Variants in FAM171B observed in about 807,000 individuals in gnomAD.
FAM171B encodes family with sequence similarity 171 member B.
A neutral mutation model predicts 75.6 loss-of-function variants in FAM171B; 19 were observed. The ratio of observed to expected loss-of-function variants is 0.25; its 90% CI spans 0.18 to 0.37. FAM171B has a LOEUF of 0.37. Among genes scored for constraint, FAM171B ranks in the 10% least tolerant of loss-of-function variants. FAM171B has a pLI of 1.00. For synonymous variants in FAM171B, 367 were observed against 361.7 expected, an observed-to-expected ratio of 1.01 and a Z score of -0.17; for missense variants, 848 against 982.4, an observed-to-expected ratio of 0.86 and a Z score of 1.83.
At chr2:186,747,592 A>T (rs1279774416) in intron 4 of FAM171B, among the ~76,000 whole-genome samples, 2 of 152,122 alleles carry the variant, frequency 1.3e-5, no homozygotes, top group Non-Finnish European at 2.9e-5. Flanking sequence ...TCAAAAATTA[A>T]AATTCAGTTT....
Position 186,763,125 on chromosome 2 carries a change from TA to T in FAM171B, c.*304del, listed in dbSNP as rs1328808990. 1.0e-5 allele frequency: 3 copies of T among 289,568 alleles called. No individual in the cohort carries two copies. The highest frequency in any genetic ancestry group is 2.0e-5 in the Non-Finnish European group (3 of 153,818). The allele number at this position is 289,568 out of a possible 1,614,324, so 17.9% of individuals were successfully genotyped here. On this transcript the variant is annotated 3_prime_UTR_variant, in exon 8 of 8. Transcript: ENST00000304698. ...CCAGCCAGTTTGGCCTTGACTCTCT[TA>T]AGAATAACAGTGAAATATATACTCC...
intron 6 of FAM171B, among the ~76,000 whole-genome samples, chr2:186,755,510 C>T (rs1278030241): frequency 6.6e-6 from 1 of 152,110 alleles, no homozygotes; most frequent in African/African-American, 2.4e-5. Flanking sequence ...CTGGGTATTT[C>T]ATACTGATTA....
At chr2:186,747,829 G>T (rs1272834922) in intron 4 of FAM171B, among the ~76,000 whole-genome samples, 1 of 152,108 alleles carries the variant, frequency 6.6e-6, no homozygotes, top group African/African-American at 2.4e-5. Context: ...TAATATAAAA[G>T]TTAGTGGAAC....
intron 1 of FAM171B, among the ~76,000 whole-genome samples, chr2:186,712,371 C>G (rs906309522): frequency 6.6e-6 from 1 of 152,182 alleles, no homozygotes; most frequent in African/African-American, 2.4e-5. Context: ...TGTCTGTCTC[C>G]TTGTGAGAGT....
intron 1 of FAM171B, among the ~76,000 whole-genome samples, chr2:186,729,043 C>T (rs1690075105): frequency 6.6e-6 from 1 of 151,956 alleles, no homozygotes; most frequent in South Asian, 2.1e-4. Context: ...TTCCTTTATA[C>T]CTATTTATTA....
chr2:186,727,849 T>C (rs1281936056), intron 1 of FAM171B, among the ~76,000 whole-genome samples: 1 of 152,166 alleles, frequency 6.6e-6, no homozygotes, highest in Non-Finnish European at 1.5e-5. Flanking sequence ...TCTTCAGATA[T>C]TTATATATGT....
At chr2:186,712,658 C>T (rs1689825337) in intron 1 of FAM171B, among the ~76,000 whole-genome samples, 1 of 152,136 alleles carries the variant, frequency 6.6e-6, no homozygotes, top group Non-Finnish European at 1.5e-5. Context: ...CTTTCTTTCC[C>T]TGTTCTGTAC....
intron 1 of FAM171B, among the ~76,000 whole-genome samples, chr2:186,715,144 C>T (rs780187404): frequency 4.6e-5 from 7 of 152,140 alleles, no homozygotes; most frequent in East Asian, 1.9e-4. Context: ...ACATTTACTA[C>T]GCCCAGAATC....
chr2:186,762,801 G>A lies in FAM171B; in HGVS notation c.2459G>A (p.Arg820His), dbSNP rs145896997. The A allele has an allele frequency of 5.3e-5, 86 of 1,611,672 alleles. No homozygotes were observed. Among genetic ancestry groups the A allele is most frequent in the African/African-American group, 6.7e-5 (5 of 74,714 alleles). Residue 820 changes from arginine (R) to histidine (H), a missense_variant, in exon 8 of 8, where the codon CGC becomes CAC. Coordinates refer to ENST00000304698, the MANE Select transcript of FAM171B (RefSeq NM_177454.4). This position sits in a 1 kb window ranked among gnomAD's most constrained non-coding sequence, Gnocchi z 4.0. ...AACATCTGGAAGAAGCGAGAGGAAC[G>A]CCCACTGATTCCCATAAATTAACTC... ...KTNIWKKREE[R>H]PLIPIN is the part of the protein sequence containing the mutation.
rs549165633 is a variant in FAM171B, at chr2:186,762,130, G to A, written c.1788G>A (p.Gln596=). The change falls in exon 8 of 8, where the codon CAG becomes CAA. Residue 596 remains glutamine, a synonymous_variant. Transcript: ENST00000304698. The surrounding 1 kb of genome is among the most constrained non-coding windows in gnomAD (Gnocchi z 4.0). The part of the protein sequence containing the change: ...LPKMPIHSHA[Q]PPDAREEDII... ...AAATGCCAATTCATTCTCATGCACA[G>A]CCCCCAGATGCCAGGGAAGAGGATA... 5.0e-6 allele frequency: 8 copies of A among 1,613,660 alleles called. 1 individual carries two copies. In the South Asian group the frequency reaches 8.8e-5, roughly 18 times the overall value.
At position 186,739,241 on chromosome 2, in the gene FAM171B, C is replaced by T. The variant is rs750884227; in HGVS notation, c.239-987C>T. Among the ~76,000 whole-genome samples the T allele has an allele frequency of 3.3e-5, 5 of 152,052 alleles. No homozygotes were observed. The South Asian group carries it at 8.3e-4, about 25-fold the overall frequency. On this transcript the variant is annotated intron_variant, in intron 1 of 7. Coordinates refer to ENST00000304698, the MANE Select transcript of FAM171B (RefSeq NM_177454.4). ...TGAATGTGAAGCCCTAGGACATTAC[C>T]GTATACTACTGTAGACTCTGCAAAC...
At chr2:186,733,831 C>T (rs1019785948) in intron 1 of FAM171B, among the ~76,000 whole-genome samples, 1 of 152,112 alleles carries the variant, frequency 6.6e-6, no homozygotes, top group East Asian at 1.9e-4. Context: ...CAGTGGCACC[C>T]GGGAGCTTGG....
At chr2:186,747,451 T>A (rs1410641942) in intron 4 of FAM171B, among the ~76,000 whole-genome samples, 3 of 152,054 alleles carry the variant, frequency 2.0e-5, no homozygotes, top group African/African-American at 7.2e-5. Context: ...GAAAGAAAAA[T>A]TCAGCATACA....
intron 1 of FAM171B, among the ~76,000 whole-genome samples, chr2:186,703,249 T>C (rs1395970616): frequency 6.6e-6 from 1 of 151,970 alleles, no homozygotes; most frequent in Non-Finnish European, 1.5e-5. Context: ...CTGGACAAAT[T>C]ATGTATTTTT....
At position 186,762,460 on chromosome 2, in the gene FAM171B, C is replaced by A; in HGVS notation, c.2118C>A (p.Asp706Glu). The A allele has an allele frequency of 6.2e-7, 1 of 1,613,606 alleles. No individual in the cohort carries two copies. The highest frequency in any genetic ancestry group is 8.5e-7 in the Non-Finnish European group (1 of 1,179,786). ...KRTQSNDTSL[D>E]SGVDMNELHS... ...CCCAGAGCAATGACACCAGTCTGGA[C>A]TCTGGGGTGGACATGAATGAGCTTC... The change falls in exon 8 of 8, where the codon GAC becomes GAA. Residue 706 changes from aspartate (D) to glutamate (E), a missense_variant. This residue lies in a region of FAM171B where 136 missense variants were observed against 159.3 expected (regional missense o/e 0.85). Transcript: ENST00000304698. This position sits in a 1 kb window ranked among gnomAD's most constrained non-coding sequence, Gnocchi z 4.0.
At chr2:186,736,820 T>A (rs1477665389) in intron 1 of FAM171B, among the ~76,000 whole-genome samples, 1 of 152,118 alleles carries the variant, frequency 6.6e-6, no homozygotes, top group Admixed American at 6.5e-5. Context: ...GATAGCAATA[T>A]TGAGGCTCAG....
rs961652693 is a variant in FAM171B, at chr2:186,747,221, A to G, written c.695A>G (p.His232Arg). Residue 232 changes from histidine to arginine, a missense_variant, in exon 4 of 8, where the codon CAT (histidine) becomes CGT (arginine). Transcript: ENST00000304698. ...QQFLKVDNFL[H>R]TTGITLNKPG... ...TTTTTGAAAGTGGACAATTTTCTGC[A>G]TACAACTGGAATTACTCTCAATAAA... 8 of 1,605,422 alleles carry G rather than the reference A, an allele frequency of 5.0e-6. No individual in the cohort carries two copies. In the Admixed American group the frequency reaches 6.9e-5, roughly 14 times the overall value.
intron 2 of FAM171B, among the ~76,000 whole-genome samples, chr2:186,741,331 G>A (rs1375267159): frequency 6.6e-6 from 1 of 151,872 alleles, no homozygotes; most frequent in Non-Finnish European, 1.5e-5. Flanking sequence ...AAACTTAAAA[G>A]CAATAAAAGA....
chr2:186,762,994 C>CTTTTTCTGGCCTATTCATTTAT lies in FAM171B; in HGVS notation c.*176_*197dup, dbSNP rs1477097770. On this transcript the variant is annotated 3_prime_UTR_variant, in exon 8 of 8. Transcript: ENST00000304698. The surrounding 1 kb of genome is among the most constrained non-coding windows in gnomAD (Gnocchi z 4.0). Reference sequence around the variant, plus strand: ...TCAGAGAGAAAGATACCAAGGAATGCTTTTTCTGGCCTATTCATTTATTTT... The same window carrying CTTTTTCTGGCCTATTCATTTAT: ...TCAGAGAGAAAGATACCAAGGAATGCTTTTTCTGGCCTATTCATTTATTTTTTCTGGCCTATTCATTTATTTT... 8 of 741,600 alleles carry CTTTTTCTGGCCTATTCATTTAT rather than the reference C, an allele frequency of 1.1e-5. No homozygotes were observed. The African/African-American group carries it at 1.4e-4, about 13-fold the overall frequency. The allele number at this position is 741,600 out of a possible 1,614,324, so 45.9% of individuals were successfully genotyped here.
Sources: gnomAD v4.1 joint callset for allele counts (sites outside exome capture counted in the v4.1 genomes callset) on GRCh38, gnomAD v4.1.1 for gene constraint, gnomAD v4.1.1 regional missense constraint, Gnocchi (gnomAD v3.1) non-coding constraint, MANE v1.5 for transcripts, NCBI Gene and HGNC (gene_info 2026-07-23, HGNC 2026-07-21) for gene names.